The following WDR59 variants were observed in gnomAD, a reference collection of about 807,000 sequenced individuals.
The protein encoded by WDR59 is GATOR2 complex protein WDR59.
WDR59 carries 100 observed loss-of-function variants against 131.2 expected under a neutral mutation model. The observed-to-expected ratio is 0.76, with a 90% confidence interval of 0.65 to 0.90. The LOEUF (loss-of-function observed/expected upper bound fraction) is 0.90. WDR59 is among the 40% of genes least tolerant of loss of function. The pLI is 0.00. For synonymous variants in WDR59, 601 were observed against 466.2 expected, an observed-to-expected ratio of 1.29 and a Z score of -3.72; for missense variants, 1,203 against 1,262.2, an observed-to-expected ratio of 0.95 and a Z score of 0.71.
At chr16:74,950,905 CAACACTTTGGGAGG>C (rs1485125619) in intron 4 of WDR59, among the ~76,000 whole-genome samples, 1 of 150,916 alleles carries the variant, frequency 6.6e-6, no homozygotes, top group Non-Finnish European at 1.5e-5. Flanking sequence ...CCTGTAATCC[CAACACTTTGGGAGG>C]CCAAGGCAGG....
intron 25 of WDR59, among the ~76,000 whole-genome samples, chr16:74,880,161 G>A (rs1964408776): frequency 6.6e-6 from 1 of 152,112 alleles, no homozygotes; most frequent in African/African-American, 2.4e-5. Flanking sequence ...AATTAGGTAT[G>A]ATACGGCCGG....
intron 1 of WDR59, among the ~76,000 whole-genome samples, chr16:74,967,153 C>T (rs150540872): frequency 3.3e-5 from 5 of 152,178 alleles, no homozygotes; most frequent in Non-Finnish European, 2.9e-5. Flanking sequence ...TTTCTCAAGT[C>T]ATCTACCCTC....
At chr16:74,919,480 G>T (rs141350006) in intron 10 of WDR59, among the ~76,000 whole-genome samples, 2 of 150,476 alleles carry the variant, frequency 1.3e-5, no homozygotes, top group African/African-American at 4.9e-5. Flanking sequence ...TTACAGGCAC[G>T]TGCCACCACA....
rs1487158267 is a variant in WDR59 at position 74,909,834 on chromosome 16, A to G, written c.1473T>C (p.Leu491=). ...EPCLRQLVSC[L]ESFVNQEDSA... is the part of the protein sequence containing the mutation. ...TCATGCTTCCCACCACAAAGGACTC[A>G]AGGCAGGAGACGAGCTGGCGCAGGC... Residue 491 remains leucine (L), a synonymous_variant, in exon 15 of 26, where the codon CTT becomes CTC. Coordinates refer to ENST00000262144, the MANE Select transcript of WDR59 (RefSeq NM_030581.4). The G allele has an allele frequency of 6.2e-7, 1 of 1,612,450 alleles. No individual in the cohort carries two copies. The highest frequency in any genetic ancestry group is 8.5e-7 in the Non-Finnish European group (1 of 1,179,966).
intron 20 of WDR59, 127 bp downstream of exon 20, chr16:74,892,357 G>A: frequency 1.1e-6 from 1 of 888,876 alleles, no homozygotes; most frequent in Non-Finnish European, 1.7e-6. Context: ...GACTGGCAAA[G>A]AAAATGGAAA....
At chr16:74,909,347 T>C (rs1965969796) in intron 16 of WDR59, among the ~76,000 whole-genome samples, 154 bp downstream of exon 16, 1 of 152,160 alleles carries the variant, frequency 6.6e-6, no homozygotes, top group Non-Finnish European at 1.5e-5. Context: ...AGACACCGAC[T>C]GGGCCTCAGA....
At chr16:74,928,973 G>C (rs1371812626) in intron 8 of WDR59, among the ~76,000 whole-genome samples, 1 of 152,136 alleles carries the variant, frequency 6.6e-6, no homozygotes, top group Non-Finnish European at 1.5e-5. Flanking sequence ...TATGTGACAA[G>C]GGATTAATAA....
chr16:74,885,916 C>T (rs954912554), intron 24 of WDR59, 121 bp from the exon 25 acceptor site: 3 of 1,229,012 alleles, frequency 2.4e-6, no homozygotes, highest in Admixed American at 2.7e-5. Flanking sequence ...TGGCTAACAC[C>T]TGTCACTCCC....
chr16:74,879,832 C>T (rs1265647904), intron 25 of WDR59, among the ~76,000 whole-genome samples: 1 of 152,132 alleles, frequency 6.6e-6, no homozygotes, highest in Non-Finnish European at 1.5e-5. Context: ...ATGCTCAGAA[C>T]AATGGGTAAG....
intron 25 of WDR59, among the ~76,000 whole-genome samples, chr16:74,875,164 G>A (rs992427115): frequency 6.6e-6 from 1 of 152,166 alleles, no homozygotes; most frequent in African/African-American, 2.4e-5. Flanking sequence ...CTGCCCACTC[G>A]CCACTGGCCC....
chr16:74,913,461 T>C (rs1287498246), intron 13 of WDR59, among the ~76,000 whole-genome samples: 1 of 152,028 alleles, frequency 6.6e-6, no homozygotes, highest in African/African-American at 2.4e-5. Flanking sequence ...TGTTTTGCTT[T>C]TTGTGTTTTG....
intron 6 of WDR59, among the ~76,000 whole-genome samples, chr16:74,945,492 A>G (rs2032560422): frequency 6.6e-6 from 1 of 152,066 alleles, no homozygotes; most frequent in African/African-American, 2.4e-5. Context: ...TAAAAAAAAA[A>G]AAGAAACCTA....
intron 13 of WDR59, among the ~76,000 whole-genome samples, chr16:74,913,283 G>A (rs1427461778): frequency 8.5e-6 from 1 of 118,076 alleles, no homozygotes; most frequent in Non-Finnish European, 1.7e-5. Flanking sequence ...TTTTTTTTTT[G>A]AGACAGGGTC....
At chr16:74,976,268 T>C (rs2034176403) in intron 1 of WDR59, among the ~76,000 whole-genome samples, 2 of 152,138 alleles carry the variant, frequency 1.3e-5, no homozygotes, top group Non-Finnish European at 2.9e-5. Flanking sequence ...CCTCAATCTT[T>C]ATCTTTGTGG....
intron 6 of WDR59, among the ~76,000 whole-genome samples, chr16:74,948,309 A>C (rs1013565392): frequency 6.6e-6 from 1 of 152,334 alleles, no homozygotes; most frequent in South Asian, 2.1e-4. Context: ...TCCACACCCA[A>C]CAGTCCTAAC....
chr16:74,930,148 T>C (rs2031247780), intron 8 of WDR59, among the ~76,000 whole-genome samples: 1 of 152,162 alleles, frequency 6.6e-6, no homozygotes, highest in Non-Finnish European at 1.5e-5. Flanking sequence ...AGGGTGATTA[T>C]AGTCAGTAAT....
rs140484052 is a variant in WDR59 at position 74,880,403 on chromosome 16, C to T, written c.2689+5250G>A. On this transcript the variant is annotated intron_variant, in intron 25 of 25. Transcript: ENST00000262144. ...CGGAGCTTGCAGTGAGCCGAGATCG[C>T]GCCACTGCACTCCAGCCTGGGGGAC... Among the ~76,000 whole-genome samples the T allele has an allele frequency of 2.5e-3, 374 of 152,030 alleles. 2 individuals are homozygous for T. Among genetic ancestry groups the T allele is most frequent in the African/African-American group, 7.3e-3 (304 of 41,474 alleles).
intron 8 of WDR59, chr16:74,930,892 C>CAAAAAAAAAA (rs36074951): frequency 1.3e-5 from 1 of 79,606 alleles, no homozygotes; most frequent in African/African-American, 5.2e-5. Context: ...GACTCCATCT[C>CAAAAAAAAAA]AAAAAAAAAA....
intron 7 of WDR59, among the ~76,000 whole-genome samples, chr16:74,941,627 T>C (rs1441437600): frequency 6.7e-6 from 1 of 148,754 alleles, no homozygotes; most frequent in African/African-American, 2.5e-5. Flanking sequence ...CTGGGAGGCG[T>C]AGGTTGCAGT....
Sources: gnomAD v4.1 joint callset for allele counts (sites outside exome capture counted in the v4.1 genomes callset) on GRCh38, gnomAD v4.1.1 for gene constraint, MANE v1.5 for transcripts, NCBI Gene and HGNC (gene_info 2026-07-23, HGNC 2026-07-21) for gene names.